Variants in DSCAM observed in about 807,000 individuals in gnomAD.
The protein encoded by DSCAM is cell adhesion molecule DSCAM.
DSCAM carries 47 observed loss-of-function variants against 217.7 expected under a neutral mutation model. That is an observed-to-expected ratio of 0.22 (90% CI 0.17 to 0.28). The LOEUF (loss-of-function observed/expected upper bound fraction) is 0.28, where lower values mean the gene tolerates loss of function less well. DSCAM is among the 10% of genes least tolerant of loss of function. The pLI is 1.00. For synonymous variants in DSCAM, 1,056 were observed against 1,015.3 expected (o/e 1.04, Z -0.76); for missense variants, 2,080 against 2,618.3 (o/e 0.79, Z 4.49).
intron 5 of DSCAM, among the ~76,000 whole-genome samples, chr21:40,352,486 T>G (rs796769918): frequency 5.3e-5 from 8 of 152,130 alleles, no homozygotes; most frequent in African/African-American, 1.9e-4. Flanking sequence ...ATATTTAATA[T>G]AAATATATTC....
chr21:40,053,862 T>A (rs2037670165), intron 29 of DSCAM, among the ~76,000 whole-genome samples: 1 of 152,346 alleles, frequency 6.6e-6, no homozygotes, highest in African/African-American at 2.4e-5. Flanking sequence ...TCTGCCTAGC[T>A]ATCTATTTTC....
At chr21:40,294,878 A>ATGTGGTG (rs554474834) in intron 10 of DSCAM, among the ~76,000 whole-genome samples, 1 of 152,166 alleles carries the variant, frequency 6.6e-6, no homozygotes, top group Non-Finnish European at 1.5e-5. Context: ...TGGACAGTGG[A>ATGTGGTG]TGTGGTGTGT....
chr21:40,794,750 A>G (rs1367407661), intron 1 of DSCAM, among the ~76,000 whole-genome samples: 4 of 150,222 alleles, frequency 2.7e-5, no homozygotes, highest in African/African-American at 9.8e-5. Flanking sequence ...CCTTTTTCCA[A>G]TATCTCTGTC....
At chr21:40,708,858 C>T in intron 1 of DSCAM, 87 bp from the exon 2 acceptor site, 3 of 1,027,770 alleles carry the variant, frequency 2.9e-6, no homozygotes, top group Non-Finnish European at 4.0e-6. Context: ...GAAAGTTATC[C>T]TGAAAATTAA....
chr21:40,067,017 A>C (rs949095045), intron 27 of DSCAM, among the ~76,000 whole-genome samples: 1 of 152,200 alleles, frequency 6.6e-6, no homozygotes, highest in Non-Finnish European at 1.5e-5. Context: ...TTGAAAATAT[A>C]ATTAAGTCAA....
chr21:40,816,447 C>T (rs1251077518), intron 1 of DSCAM, among the ~76,000 whole-genome samples: 1 of 152,134 alleles, frequency 6.6e-6, no homozygotes, highest in Non-Finnish European at 1.5e-5. Context: ...GGTGTGGTGG[C>T]ATGCACCTGT....
intron 3 of DSCAM, among the ~76,000 whole-genome samples, chr21:40,436,248 C>T (rs1003515937): frequency 6.6e-6 from 1 of 152,134 alleles, no homozygotes; most frequent in Admixed American, 6.5e-5. Flanking sequence ...TGATGTATTT[C>T]TTCATCTAAA....
intron 10 of DSCAM, among the ~76,000 whole-genome samples, chr21:40,292,456 T>C (rs545277341): frequency 6.6e-6 from 1 of 151,250 alleles, no homozygotes; most frequent in South Asian, 2.1e-4. Flanking sequence ...CTTGCATAAT[T>C]AAAATAACAA....
At chr21:40,412,264 G>A (rs1325006899) in intron 3 of DSCAM, among the ~76,000 whole-genome samples, 2 of 152,174 alleles carry the variant, frequency 1.3e-5, no homozygotes, top group African/African-American at 4.8e-5. Context: ...GGGTGCTGAT[G>A]AAAAGATACC....
chr21:40,632,258 T>C (rs1380173722), intron 3 of DSCAM, among the ~76,000 whole-genome samples: 2 of 149,030 alleles, frequency 1.3e-5, no homozygotes, highest in Admixed American at 6.9e-5. Flanking sequence ...AGCCAACTGA[T>C]AGAATCTGCC....
intron 3 of DSCAM, among the ~76,000 whole-genome samples, chr21:40,388,774 T>C (rs1255056160): frequency 6.6e-6 from 1 of 152,194 alleles, no homozygotes; most frequent in Non-Finnish European, 1.5e-5. Flanking sequence ...CAAATGCACA[T>C]ACCCTATTGG....
chr21:40,367,832 T>C (rs187952737), intron 4 of DSCAM, among the ~76,000 whole-genome samples: 49 of 152,296 alleles, frequency 3.2e-4, no homozygotes, highest in Non-Finnish European at 6.5e-4. Context: ...ACATTGTTGC[T>C]CTCACTTTTC....
intron 10 of DSCAM, among the ~76,000 whole-genome samples, chr21:40,290,630 A>T (rs2073880596): frequency 6.6e-6 from 1 of 152,200 alleles, no homozygotes; most frequent in African/African-American, 2.4e-5. Flanking sequence ...CAAAAATAAA[A>T]AAAGAAAATA....
At chr21:40,745,835 T>C (rs2091168653) in intron 1 of DSCAM, among the ~76,000 whole-genome samples, 2 of 152,096 alleles carry the variant, frequency 1.3e-5, no homozygotes, top group Admixed American at 6.5e-5. Context: ...TTATTAAAGA[T>C]AGTAATTACA....
At chr21:40,387,440 C>A (rs1419932502) in intron 3 of DSCAM, among the ~76,000 whole-genome samples, 1 of 152,014 alleles carries the variant, frequency 6.6e-6, no homozygotes, top group East Asian at 1.9e-4. Flanking sequence ...TATGTCTAAC[C>A]ATAGTACTGG....
intron 3 of DSCAM, among the ~76,000 whole-genome samples, chr21:40,640,288 C>G (rs552383910): frequency 1.3e-5 from 2 of 150,976 alleles, no homozygotes; most frequent in African/African-American, 4.8e-5. Context: ...CTGACTTTCT[C>G]CCCAGCGGAG....
Position 40,162,649 on chromosome 21 carries a change from G to C in DSCAM, c.3018+4569C>G, listed in dbSNP as rs59918323. ...ATATTCTGGTTAAAAATATTCTTCA[G>C]ATTACTGAAATTTAATTAAATCTCT... On this transcript the variant is annotated intron_variant, in intron 16 of 32. Coordinates refer to ENST00000400454, the MANE Select transcript of DSCAM (RefSeq NM_001389.5). 8.5e-3 allele frequency among the ~76,000 whole-genome samples: 1,287 copies of C among 152,266 alleles called. 15 individuals carry two copies. The highest frequency in any genetic ancestry group is 0.03 in the African/African-American group (1,229 of 41,556).
intron 16 of DSCAM, among the ~76,000 whole-genome samples, chr21:40,152,668 G>T (rs2090435771): frequency 6.6e-6 from 1 of 152,244 alleles, no homozygotes; most frequent in South Asian, 2.1e-4. Flanking sequence ...CAATGTATTT[G>T]CACGGTGTGC....
rs1375040328 is a variant in DSCAM, at chr21:40,376,539, ATATATCTTATATCG to A, written c.509-7308_509-7295del. Among the ~76,000 whole-genome samples the A allele has an allele frequency of 5.0e-5, 5 of 99,746 alleles. 1 individual carries two copies. The highest frequency in any genetic ancestry group is 2.1e-4 in the African/African-American group (5 of 23,372). The allele number at this position is 99,746 out of a possible 152,430, so 65.4% of individuals were successfully genotyped here. ...ATCTATATATCTTATATAGATATCG[ATATATCTTATATCG>A]ATATCTATATATCTTATATCGATAT... On this transcript the variant is annotated intron_variant, in intron 3 of 32. Coordinates refer to ENST00000400454, the MANE Select transcript of DSCAM (RefSeq NM_001389.5).
Sources: gnomAD v4.1 joint callset for allele counts (sites outside exome capture counted in the v4.1 genomes callset) on GRCh38, gnomAD v4.1.1 for gene constraint, MANE v1.5 for transcripts, NCBI Gene and HGNC (gene_info 2026-07-23, HGNC 2026-07-21) for gene names.